Variants in ARID3B observed in about 807,000 individuals in gnomAD.
The protein encoded by ARID3B is AT-rich interaction domain 3B, also known as AT-rich interactive domain-containing protein 3B.
In ARID3B, 10 loss-of-function variants were observed where a neutral mutation model predicts 51.9. That is an observed-to-expected ratio of 0.19 (90% CI 0.12 to 0.33). The LOEUF is 0.33. Among genes scored for constraint, ARID3B ranks in the 10% least tolerant of loss-of-function variants. The probability of loss-of-function intolerance (pLI) is 1.00; values close to 1 mark genes in which losing one functional copy is unlikely to be tolerated. For missense variants in ARID3B, 483 were observed against 716.3 expected (o/e 0.67, Z 3.72); for synonymous variants, 205 against 279.5 (o/e 0.73, Z 2.66).
chr15:74,544,646 TAATA>T (rs1376248797), intron 2 of ARID3B, among the ~76,000 whole-genome samples, 158 bp downstream of exon 2: 1 of 152,116 alleles, frequency 6.6e-6, no homozygotes, highest in Non-Finnish European at 1.5e-5. Flanking sequence ...TTTTCTTATT[TAATA>T]TTTATTTTCT....
chr15:74,541,575 G>T lies in ARID3B; in HGVS notation c.-78+245G>T, dbSNP rs543299469. Among the ~76,000 whole-genome samples, 360 of 152,330 alleles carry T rather than the reference G, an allele frequency of 2.4e-3. 2 individuals are homozygous for T. Among genetic ancestry groups the T allele is most frequent in the Non-Finnish European group, 1.5e-3 (99 of 68,030 alleles). Reference sequence around the variant, plus strand: ...GAAGGGTGAGGGGCCCTGGAGCTGAGTGGGCGCGCAGATAGGTGGGGCGGG... The same window carrying T: ...GAAGGGTGAGGGGCCCTGGAGCTGATTGGGCGCGCAGATAGGTGGGGCGGG... On this transcript the variant is annotated intron_variant, in intron 1 of 8. Transcript: ENST00000346246.
rs1208034661 is a variant in ARID3B at position 74,558,178 on chromosome 15, CT to C, written c.552+13710del. Among the ~76,000 whole-genome samples the C allele has an allele frequency of 1.9e-3, 204 of 104,662 alleles. 3 individuals carry two copies. The highest frequency in any genetic ancestry group is 5.3e-3 in the African/African-American group (136 of 25,426). The allele number at this position is 104,662 out of a possible 152,430, so 68.7% of individuals were successfully genotyped here. On this transcript the variant is annotated intron_variant, in intron 2 of 8. Coordinates refer to ENST00000346246, the MANE Select transcript of ARID3B (RefSeq NM_006465.4). ...TCTGCTCCTTCAATCTGGTTTGTGT[CT>C]TTTTTTTTTTTTTTTTTTTGGGTAC...
At chr15:74,555,732 G>A (rs1173824803) in intron 2 of ARID3B, among the ~76,000 whole-genome samples, 1 of 151,116 alleles carries the variant, frequency 6.6e-6, no homozygotes, top group Non-Finnish European at 1.5e-5. Flanking sequence ...GCTTTGCCCG[G>A]ATCCATAAGA....
At chr15:74,543,714 C>T in intron 1 of ARID3B, 146 bp from the exon 2 acceptor site, 1 of 523,170 alleles carries the variant, frequency 1.9e-6, no homozygotes, top group Non-Finnish European at 3.3e-6. Flanking sequence ...CCCCACCACT[C>T]ACTCATCTTA....
At chr15:74,547,782 A>G (rs757114395) in intron 2 of ARID3B, among the ~76,000 whole-genome samples, 4 of 152,224 alleles carry the variant, frequency 2.6e-5, no homozygotes, top group Non-Finnish European at 4.4e-5. Flanking sequence ...TAAAAAGTTA[A>G]TTTTGTCTAC....
intron 2 of ARID3B, among the ~76,000 whole-genome samples, chr15:74,549,265 C>T (rs1009400947): frequency 1.3e-5 from 2 of 151,868 alleles, no homozygotes; most frequent in Non-Finnish European, 2.9e-5. Context: ...TTAGTAGAGA[C>T]GGGGTTTCAC....
intron 7 of ARID3B, among the ~76,000 whole-genome samples, chr15:74,592,755 AG>A (rs2061808508): frequency 6.6e-6 from 1 of 152,240 alleles, no homozygotes; most frequent in African/African-American, 2.4e-5. Flanking sequence ...AAGAAAGGGC[AG>A]GTGGGTCCTC....
chr15:74,576,084 G>A (rs2061736382), intron 4 of ARID3B, among the ~76,000 whole-genome samples: 1 of 152,136 alleles, frequency 6.6e-6, no homozygotes, highest in Admixed American at 6.5e-5. Context: ...CTGTAGAAAT[G>A]AGGTCTCACT....
chr15:74,558,410 A>G (rs748124322), intron 2 of ARID3B, among the ~76,000 whole-genome samples: 1 of 151,658 alleles, frequency 6.6e-6, no homozygotes, highest in East Asian at 1.9e-4. Context: ...TGTCGTAATT[A>G]TTGTGTTTGT....
chr15:74,565,755 A>G (rs2061695911), intron 2 of ARID3B, among the ~76,000 whole-genome samples: 1 of 149,022 alleles, frequency 6.7e-6, no homozygotes, highest in Non-Finnish European at 1.5e-5. Flanking sequence ...TTTTAATCCC[A>G]GTAAAAAGAA....
Position 74,591,948 on chromosome 15 carries a change from C to T in ARID3B, c.1420+134C>T. 1.4e-6 allele frequency: 2 copies of T among 1,399,896 alleles called. No homozygotes were observed. Among genetic ancestry groups the T allele is most frequent in the Non-Finnish European group, 1.9e-6 (2 of 1,042,196 alleles). The allele number at this position is 1,399,896 out of a possible 1,614,324, so 86.7% of individuals were successfully genotyped here. On this transcript the variant is annotated intron_variant, in intron 7 of 8. Coordinates refer to ENST00000346246, the MANE Select transcript of ARID3B (RefSeq NM_006465.4). This position sits in a 1 kb window ranked among gnomAD's most constrained non-coding sequence, Gnocchi z 5.8. Reference sequence around the variant, plus strand: ...AGAGGCCCCTCCAGGTTCTGCCTTCCAGGCCCCTAGAAGAGAGGCACTGAG... The same window carrying T: ...AGAGGCCCCTCCAGGTTCTGCCTTCTAGGCCCCTAGAAGAGAGGCACTGAG...
intron 2 of ARID3B, among the ~76,000 whole-genome samples, chr15:74,554,713 T>G (rs532034041): frequency 6.6e-6 from 1 of 152,248 alleles, no homozygotes; most frequent in South Asian, 2.1e-4. Context: ...TGTCCTTTGC[T>G]GGTCTAGAAA....
chr15:74,566,421 A>G (rs2415241), intron 2 of ARID3B, among the ~76,000 whole-genome samples: 36,358 of 151,664 alleles, frequency 0.24, 5,768 homozygotes, highest in East Asian at 0.55. Context: ...CCAACATGGT[A>G]AAACCCGTCT....
chr15:74,545,972 G>T (rs2061614142), intron 2 of ARID3B, among the ~76,000 whole-genome samples: 1 of 152,226 alleles, frequency 6.6e-6, no homozygotes, highest in Admixed American at 6.5e-5. Context: ...ACATGTGAAA[G>T]CTTGTCCAGT....
In ARID3B at chr15:74,596,999, G is replaced by A. The variant is rs1425061327; in HGVS notation, c.*1225G>A. ...AGTGGAGAGGCCCGCTCTCACACCG[G>A]GTCGGGCCCTGAAACTGTACCAGTT... On this transcript the variant is annotated 3_prime_UTR_variant, in exon 9 of 9. Coordinates refer to ENST00000346246, the MANE Select transcript of ARID3B (RefSeq NM_006465.4). The A allele has an allele frequency of 2.6e-5, 6 of 234,272 alleles. No homozygotes were observed. Among genetic ancestry groups the A allele is most frequent in the Non-Finnish European group, 4.2e-5 (5 of 118,588 alleles). 14.5% of individuals were successfully genotyped at this position (234,272 alleles called of 1,614,324 possible). A position where few individuals can be genotyped will look rare whatever the true frequency, so the allele number is the denominator to read the frequency against.
chr15:74,573,256 C>T, intron 4 of ARID3B, 52 bp downstream of exon 4: 1 of 1,561,180 alleles, frequency 6.4e-7, no homozygotes, highest in Non-Finnish European at 8.8e-7. Context: ...GATAGAGTGC[C>T]TACTGTGTGC....
At chr15:74,590,734 A>G (rs944060931) in intron 5 of ARID3B, among the ~76,000 whole-genome samples, 4 of 152,176 alleles carry the variant, frequency 2.6e-5, no homozygotes, top group African/African-American at 9.7e-5. Flanking sequence ...CTTGGGACCT[A>G]AGACACAAAG....
In ARID3B at chr15:74,552,834, C is replaced by G. The variant is rs189158670; in HGVS notation, c.552+8346C>G. Among the ~76,000 whole-genome samples, 9 of 152,274 alleles carry G rather than the reference C, an allele frequency of 5.9e-5. No individual in the cohort carries two copies. The East Asian group carries it at 1.7e-3, about 29-fold the overall frequency. ...CATACCACAGTTTATCCATTCACCT[C>G]CTGAAGGACGTCTTGGTTGCTTCAA... On this transcript the variant is annotated intron_variant, in intron 2 of 8. Transcript: ENST00000346246.
In ARID3B at chr15:74,597,602, C is replaced by T. The variant is rs532727729; in HGVS notation, c.*1828C>T. On this transcript the variant is annotated 3_prime_UTR_variant, in exon 9 of 9. Coordinates refer to ENST00000346246, the MANE Select transcript of ARID3B (RefSeq NM_006465.4). ...TGTGGGCAGAGAAGGGCATCTGGGACGTGGTGCCAGTGAGGAGCCCAGTTG... is the reference window on the plus strand; with the variant it reads ...TGTGGGCAGAGAAGGGCATCTGGGATGTGGTGCCAGTGAGGAGCCCAGTTG... 251 of 534,450 alleles carry T rather than the reference C, an allele frequency of 4.7e-4. 2 individuals are homozygous for T. The highest frequency in any genetic ancestry group is 3.5e-3 in the South Asian group (229 of 65,144). 33.1% of individuals were successfully genotyped at this position (534,450 alleles called of 1,614,324 possible).
Sources: allele counts gnomAD v4.1 joint callset (sites outside exome capture counted in the v4.1 genomes callset), GRCh38; gene constraint gnomAD v4.1.1; non-coding constraint Gnocchi (gnomAD v3.1); transcripts MANE v1.5; gene names NCBI Gene and HGNC (gene_info 2026-07-23, HGNC 2026-07-21).